The following GRIN2B variants were observed in gnomAD, a reference collection of about 807,000 sequenced individuals.
The protein encoded by GRIN2B is glutamate receptor ionotropic, NMDA 2B.
Under a neutral mutation model 114.5 loss-of-function variants are expected in GRIN2B, and 5 were observed. The observed-to-expected ratio is 0.04, with a 90% CI of 0.02 to 0.09. The LOEUF (loss-of-function observed/expected upper bound fraction) is 0.09. Among genes scored for constraint, GRIN2B ranks in the 10% least tolerant of loss-of-function variants. The pLI is 1.00. For missense variants in GRIN2B, 1,108 were observed against 1,943.5 expected (o/e 0.57, Z 8.08); for synonymous variants, 787 against 745.1 (o/e 1.06, Z -0.92).
intron 4 of GRIN2B, among the ~76,000 whole-genome samples, chr12:13,712,080 G>T (rs984100550): frequency 3.9e-5 from 6 of 152,044 alleles, no homozygotes; most frequent in African/African-American, 1.4e-4. Flanking sequence ...CCTTTGTAGG[G>T]ACATGGATGA....
At position 13,615,304 on chromosome 12, in the gene GRIN2B, A is replaced by G. The variant is rs756870320; in HGVS notation, c.1501-37T>C. The G allele has an allele frequency of 1.2e-6, 2 of 1,605,438 alleles. No individual in the cohort carries two copies. The highest frequency in any genetic ancestry group is 2.2e-5 in the South Asian group (2 of 90,862). ...GCGCGATGCTCCAATTAAAACATTC[A>G]GGAGGGCAAGGGACCACCACAAGGA... On this transcript the variant is annotated intron_variant, in intron 7 of 13. Transcript: ENST00000609686. The surrounding 1 kb of genome is among the most constrained non-coding windows in gnomAD (Gnocchi z 5.8).
chr12:13,869,428 C>A (rs1865873580), intron 2 of GRIN2B, among the ~76,000 whole-genome samples: 1 of 151,978 alleles, frequency 6.6e-6, no homozygotes, highest in South Asian at 2.1e-4. Context: ...GTGGCCAATA[C>A]TGAGTTTCTA....
intron 3 of GRIN2B, among the ~76,000 whole-genome samples, chr12:13,844,513 T>C (rs1391640027): frequency 1.3e-5 from 2 of 152,212 alleles, no homozygotes; most frequent in Non-Finnish European, 2.9e-5. Context: ...CCAAATCCTC[T>C]GCATTCCATT....
chr12:13,974,522 T>G (rs1862984989), intron 2 of GRIN2B, among the ~76,000 whole-genome samples: 1 of 152,122 alleles, frequency 6.6e-6, no homozygotes, highest in African/African-American at 2.4e-5. Flanking sequence ...GGCTTGCCTT[T>G]TACACCAACT....
chr12:13,733,666 A>G (rs1006457274), intron 4 of GRIN2B, among the ~76,000 whole-genome samples: 2 of 152,146 alleles, frequency 1.3e-5, no homozygotes, highest in Non-Finnish European at 2.9e-5. Flanking sequence ...CCTCTGAGAC[A>G]TTGTTGGCTG....
At chr12:13,699,521 G>A (rs1489181085) in intron 4 of GRIN2B, among the ~76,000 whole-genome samples, 1 of 151,648 alleles carries the variant, frequency 6.6e-6, no homozygotes, top group Non-Finnish European at 1.5e-5. Context: ...TACAAAAGAA[G>A]AATTAATGTA....
intron 2 of GRIN2B, among the ~76,000 whole-genome samples, chr12:13,901,482 G>A (rs1257865183): frequency 2.6e-5 from 4 of 151,934 alleles, no homozygotes; most frequent in Non-Finnish European, 4.4e-5. Flanking sequence ...TATCTAATAT[G>A]GTATCCAGTA....
At chr12:13,926,879 G>T (rs1229651952) in intron 2 of GRIN2B, among the ~76,000 whole-genome samples, 7 of 151,990 alleles carry the variant, frequency 4.6e-5, no homozygotes, top group Non-Finnish European at 1.0e-4. Context: ...CGTGAACCCA[G>T]GAGGTGGAGC....
intron 3 of GRIN2B, among the ~76,000 whole-genome samples, chr12:13,801,614 A>G (rs1275696992): frequency 6.6e-6 from 1 of 152,174 alleles, no homozygotes; most frequent in Non-Finnish European, 1.5e-5. Context: ...CCCTTGATTG[A>G]TACTCCAAAG....
chr12:13,831,971 T>C (rs1865156145), intron 3 of GRIN2B, among the ~76,000 whole-genome samples: 1 of 152,184 alleles, frequency 6.6e-6, no homozygotes, highest in South Asian at 2.1e-4. Flanking sequence ...GGCTTCCATA[T>C]ATAGATGGGC....
In GRIN2B at chr12:13,615,597, T is replaced by C; in HGVS notation, c.1396A>G (p.Lys466Glu). ...AACTTCACAGATTTAGAAATTTTCT[T>C]AAGGATGTCAATACAGAACCCCTTG... ...CCKGFCIDIL[K>E]KISKSVKFTY... is the part of the protein sequence containing the mutation. Residue 466 changes from lysine to glutamate, a missense_variant, in exon 7 of 14, where the codon AAG (lysine) becomes GAG (glutamate). By Grantham distance (56) the Lys-to-Glu change is moderately conservative. Transcript: ENST00000609686. This position sits in a 1 kb window ranked among gnomAD's most constrained non-coding sequence, Gnocchi z 5.8. 1 of 1,612,446 alleles carries C rather than the reference T, an allele frequency of 6.2e-7. No individual in the cohort carries two copies. The highest frequency in any genetic ancestry group is 8.5e-7 in the Non-Finnish European group (1 of 1,178,492).
intron 4 of GRIN2B, among the ~76,000 whole-genome samples, chr12:13,683,344 G>A (rs1950148786): frequency 1.3e-5 from 2 of 151,998 alleles, no homozygotes; most frequent in South Asian, 4.2e-4. Flanking sequence ...AGTGTAGCGA[G>A]GTGTTTAAGA....
intron 2 of GRIN2B, among the ~76,000 whole-genome samples, chr12:13,920,186 C>T (rs1345389312): frequency 6.6e-6 from 1 of 150,446 alleles, no homozygotes; most frequent in Non-Finnish European, 1.5e-5. Flanking sequence ...ATCGCTTGAG[C>T]CCAGGAGTTT....
upstream of GRIN2B, chr12:13,982,062 C>T (rs971393752): frequency 1.3e-5 from 2 of 150,610 alleles, no homozygotes; most frequent in Non-Finnish European, 3.0e-5. Context: ...CACCCCCTCA[C>T]TCCTCTTGCT....
chr12:13,760,197 T>C (rs1409667970), intron 3 of GRIN2B, among the ~76,000 whole-genome samples: 1 of 152,218 alleles, frequency 6.6e-6, no homozygotes, highest in Admixed American at 6.5e-5. Context: ...ATGTTTATTA[T>C]GAACTCACCT....
chr12:13,549,361 G>A lies in GRIN2B; in HGVS notation c.*13422C>T, dbSNP rs1948383619. On this transcript the variant is annotated 3_prime_UTR_variant, in exon 14 of 14. Transcript: ENST00000609686. ...GGCAGTAATTATTTATTATCGGTCT[G>A]GGGGCTATAGGTTCTTTCTTCAAGA... 1 of 152,130 alleles carries A rather than the reference G, an allele frequency of 6.6e-6. No individual in the cohort carries two copies. Among genetic ancestry groups the A allele is most frequent in the Non-Finnish European group, 1.5e-5 (1 of 68,028 alleles). The allele number at this position is 152,130 out of a possible 1,614,324, so 9.4% of individuals were successfully genotyped here.
At chr12:13,761,844 G>A (rs1591716932) in intron 3 of GRIN2B, among the ~76,000 whole-genome samples, 1 of 152,128 alleles carries the variant, frequency 6.6e-6, no homozygotes. Context: ...TAGAGAAAAG[G>A]TGTGTACATA....
intron 2 of GRIN2B, among the ~76,000 whole-genome samples, chr12:13,943,518 G>A (rs539846117): frequency 2.0e-4 from 30 of 152,100 alleles, no homozygotes; most frequent in Non-Finnish European, 3.7e-4. Context: ...TACGTGAACT[G>A]GCCCTTGACT....
chr12:13,920,625 G>C (rs1343240408), intron 2 of GRIN2B, among the ~76,000 whole-genome samples: 1 of 152,138 alleles, frequency 6.6e-6, no homozygotes, highest in Non-Finnish European at 1.5e-5. Context: ...GCTCCAGACT[G>C]AGGTGGGGAA....
Sources: allele counts gnomAD v4.1 joint callset (sites outside exome capture counted in the v4.1 genomes callset), GRCh38; gene constraint gnomAD v4.1.1; non-coding constraint Gnocchi (gnomAD v3.1); transcripts MANE v1.5; gene names NCBI Gene and HGNC (gene_info 2026-07-23, HGNC 2026-07-21).